The following ASAP2 variants were observed in gnomAD, a reference collection of about 807,000 sequenced individuals.
The protein encoded by ASAP2 is arf-GAP with SH3 domain, ANK repeat and PH domain-containing protein 2.
Under a neutral mutation model 131.4 loss-of-function variants are expected in ASAP2, and 45 were observed. That is an observed-to-expected ratio of 0.34 (90% confidence interval 0.27 to 0.44). ASAP2 has a LOEUF of 0.44. Ranked by LOEUF, ASAP2 falls within the 20% of genes least tolerant of loss-of-function variation. The pLI, the probability that ASAP2 is intolerant of heterozygous loss-of-function variation, is 1.00. For synonymous variants in ASAP2, 510 were observed against 503.0 expected (o/e 1.01, Z -0.19); for missense variants, 1,011 against 1,297.0 (o/e 0.78, Z 3.39).
chr2:9,382,638 T>C (rs1196052741), intron 20 of ASAP2, among the ~76,000 whole-genome samples: 1 of 152,236 alleles, frequency 6.6e-6, no homozygotes, highest in Non-Finnish European at 1.5e-5. Context: ...TTCTCCCATA[T>C]GGAGTATGGA....
intron 3 of ASAP2, among the ~76,000 whole-genome samples, chr2:9,317,598 T>C (rs1190084848): frequency 7.0e-6 from 1 of 142,410 alleles, no homozygotes; most frequent in Admixed American, 6.9e-5. Context: ...ACAATCACAT[T>C]CACGCACTCA....
Position 9,395,594 on chromosome 2 carries a change from C to CTTTTTTTTTTTTTTTTTTT in ASAP2, c.2684+1960_2684+1978dup. On this transcript the variant is annotated intron_variant, in intron 24 of 27. Coordinates refer to ENST00000281419, the MANE Select transcript of ASAP2 (RefSeq NM_003887.3). Reference sequence around the variant, plus strand: ...GTTTTGTTTTTCTTGTGTTTTTTTTCTTTTTTTTTTTTTTTTTTTTTTTTT... The same window carrying CTTTTTTTTTTTTTTTTTTT: ...GTTTTGTTTTTCTTGTGTTTTTTTTCTTTTTTTTTTTTTTTTTTTTTTTTTTTTTTTTTTTTTTTTTTTT... 2.7e-4 allele frequency among the ~76,000 whole-genome samples: 16 copies of CTTTTTTTTTTTTTTTTTTT among 59,058 alleles called. 3 individuals are homozygous for CTTTTTTTTTTTTTTTTTTT. Among genetic ancestry groups the CTTTTTTTTTTTTTTTTTTT allele is most frequent in the East Asian group, 4.6e-4 (1 of 2,178 alleles). The allele number at this position is 59,058 out of a possible 152,430, so 38.7% of individuals were successfully genotyped here.
intron 1 of ASAP2, among the ~76,000 whole-genome samples, chr2:9,270,475 T>C (rs1666264436): frequency 6.6e-6 from 1 of 152,134 alleles, no homozygotes; most frequent in Admixed American, 6.5e-5. Flanking sequence ...TTTTATGGGG[T>C]ACATGGGATA....
intron 1 of ASAP2, among the ~76,000 whole-genome samples, chr2:9,273,174 C>G (rs1666523968): frequency 6.6e-6 from 1 of 152,082 alleles, no homozygotes; most frequent in Non-Finnish European, 1.5e-5. Flanking sequence ...TCTTCCAGTC[C>G]ACAAATATGG....
intron 15 of ASAP2, among the ~76,000 whole-genome samples, chr2:9,360,607 C>T (rs1260954795): frequency 1.3e-5 from 2 of 152,166 alleles, no homozygotes; most frequent in East Asian, 3.8e-4. Flanking sequence ...GGTGTAAATA[C>T]TCCCACAATG....
intron 1 of ASAP2, among the ~76,000 whole-genome samples, chr2:9,233,700 A>G (rs535586719): frequency 6.6e-6 from 1 of 152,378 alleles, no homozygotes; most frequent in South Asian, 2.1e-4. Context: ...TGTGTTTAAC[A>G]AACACTTATA....
rs1175372491 is a variant in ASAP2 at position 9,207,837 on chromosome 2, C to T, written c.126+607C>T. Among the ~76,000 whole-genome samples the T allele has an allele frequency of 1.3e-5, 2 of 152,108 alleles. No homozygotes were observed. The highest frequency in any genetic ancestry group is 4.8e-5 in the African/African-American group (2 of 41,444). On this transcript the variant is annotated intron_variant, in intron 1 of 27. Coordinates refer to ENST00000281419, the MANE Select transcript of ASAP2 (RefSeq NM_003887.3). This position sits in a 1 kb window ranked among gnomAD's most constrained non-coding sequence, Gnocchi z 4.1. ...GGCGCTTCTGGGTCCAAGAAGCCTC[C>T]AGGAGCCGCTCCCCGGTTACCTGGG...
At chr2:9,209,979 C>G (rs1394308656) in intron 1 of ASAP2, among the ~76,000 whole-genome samples, 1 of 152,232 alleles carries the variant, frequency 6.6e-6, no homozygotes, top group Non-Finnish European at 1.5e-5. Flanking sequence ...GATTTGCATA[C>G]TTGTTGCTGG....
chr2:9,253,352 CAG>C (rs764487256), intron 1 of ASAP2, among the ~76,000 whole-genome samples: 5 of 152,064 alleles, frequency 3.3e-5, no homozygotes, highest in African/African-American at 4.8e-5. Flanking sequence ...TTAGTAGAGA[CAG>C]AGATTCACCA....
chr2:9,226,654 T>C (rs1484532753), intron 1 of ASAP2, among the ~76,000 whole-genome samples: 2 of 152,198 alleles, frequency 1.3e-5, no homozygotes, highest in Non-Finnish European at 1.5e-5. Flanking sequence ...GGGAGGACTG[T>C]CCTATGTCAC....
chr2:9,307,764 G>C (rs1490964080), intron 3 of ASAP2, among the ~76,000 whole-genome samples: 2 of 152,206 alleles, frequency 1.3e-5, no homozygotes, highest in Non-Finnish European at 2.9e-5. Context: ...TTGCCAATGT[G>C]TTTTTGGCAG....
chr2:9,317,813 C>G (rs1669889978), intron 3 of ASAP2, among the ~76,000 whole-genome samples: 1 of 76,922 alleles, frequency 1.3e-5, no homozygotes, highest in African/African-American at 4.2e-5. Flanking sequence ...CACACTCACA[C>G]AATCACACCC....
intron 1 of ASAP2, among the ~76,000 whole-genome samples, chr2:9,250,567 C>T (rs748676800): frequency 1.3e-4 from 18 of 141,246 alleles, no homozygotes; most frequent in Non-Finnish European, 2.0e-4. Context: ...GCACATTGCA[C>T]GGCCCCCAGG....
intron 1 of ASAP2, among the ~76,000 whole-genome samples, chr2:9,235,859 A>G (rs192035738): frequency 6.6e-6 from 1 of 152,298 alleles, no homozygotes; most frequent in East Asian, 1.9e-4. Flanking sequence ...CATGAATGGC[A>G]AGGGCAGTGG....
intron 3 of ASAP2, among the ~76,000 whole-genome samples, chr2:9,316,201 A>C (rs964931049): frequency 6.6e-6 from 1 of 152,068 alleles, no homozygotes; most frequent in African/African-American, 2.4e-5. Flanking sequence ...CCGTGCCTAT[A>C]GTCCCAGCTA....
At chr2:9,249,647 G>T (rs1407867835) in intron 1 of ASAP2, among the ~76,000 whole-genome samples, 1 of 152,232 alleles carries the variant, frequency 6.6e-6, no homozygotes, top group Non-Finnish European at 1.5e-5. Flanking sequence ...CCACACTGTC[G>T]TGTGGACAGA....
chr2:9,301,790 G>T (rs539150135), intron 3 of ASAP2, among the ~76,000 whole-genome samples: 11 of 151,056 alleles, frequency 7.3e-5, no homozygotes, highest in African/African-American at 2.4e-4. Flanking sequence ...GAAATGGAAA[G>T]CTCTACCAAG....
intron 1 of ASAP2, among the ~76,000 whole-genome samples, chr2:9,266,240 AG>A (rs1169306223): frequency 6.9e-6 from 1 of 144,390 alleles, no homozygotes; most frequent in Non-Finnish European, 1.5e-5. Flanking sequence ...TCGACTTCCC[AG>A]ACTCAAGTGA....
rs934456618 is a variant in ASAP2 at position 9,400,767 on chromosome 2, G to A, written c.2760G>A (p.Leu920=). 3 of 1,613,602 alleles carry A rather than the reference G, an allele frequency of 1.9e-6. No homozygotes were observed. Among genetic ancestry groups the A allele is most frequent in the East Asian group, 4.5e-5 (2 of 44,864 alleles). Residue 920 remains leucine, a synonymous_variant, in exon 26 of 28, where the codon CTG becomes CTA. Coordinates refer to ENST00000281419, the MANE Select transcript of ASAP2 (RefSeq NM_003887.3). ...TGGATCTCTCTGCAACGGAAGCTCT[G>A]GGTCCTCTGTCCAATGCTATGGTCC... ...GPVDLSATEA[L]GPLSNAMVLQ... is the part of the protein sequence containing the mutation.
Sources: allele counts gnomAD v4.1 joint callset (sites outside exome capture counted in the v4.1 genomes callset), GRCh38; gene constraint gnomAD v4.1.1; non-coding constraint Gnocchi (gnomAD v3.1); transcripts MANE v1.5; gene names NCBI Gene and HGNC (gene_info 2026-07-23, HGNC 2026-07-21).